TBX20: variants seen among roughly 807,000 people sequenced by gnomAD.
TBX20 encodes the protein T-box transcription factor TBX20.
TBX20 carries 8 observed loss-of-function variants against 42.9 expected under a neutral mutation model. The observed-to-expected ratio is 0.19, with a 90% CI of 0.11 to 0.34. TBX20 has a LOEUF of 0.34. Ranked by LOEUF, TBX20 falls within the 10% of genes least tolerant of loss-of-function variation. The pLI is 1.00. For missense variants in TBX20, 411 were observed against 566.0 expected (o/e 0.73, Z 2.78); for synonymous variants, 198 against 222.8 (o/e 0.89, Z 0.99).
chr7:35,250,756 T>A (rs1790290282), intron 1 of TBX20, among the ~76,000 whole-genome samples: 1 of 152,194 alleles, frequency 6.6e-6, no homozygotes, highest in South Asian at 2.1e-4. Context: ...GGGAATGTGG[T>A]TTACAAAAAA....
chr7:35,208,885 G>T (rs1302591579), intron 6 of TBX20, among the ~76,000 whole-genome samples: 3 of 144,574 alleles, frequency 2.1e-5, no homozygotes, highest in African/African-American at 7.8e-5. Flanking sequence ...CAATTTACTA[G>T]ACTAAAGGTT....
Position 35,249,903 on chromosome 7 carries a change from G to A in TBX20, c.380+48C>T. 6.4e-7 allele frequency: 1 copy of A among 1,565,170 alleles called. No individual in the cohort carries two copies. The highest frequency in any genetic ancestry group is 8.7e-7 in the Non-Finnish European group (1 of 1,152,856). On this transcript the variant is annotated intron_variant, in intron 2 of 7. Coordinates refer to ENST00000408931, the MANE Select transcript of TBX20 (RefSeq NM_001077653.2). This position sits in a 1 kb window ranked among gnomAD's most constrained non-coding sequence, Gnocchi z 4.3. The stretch of plus-strand genomic sequence containing the variant: ...GGAAGCACCCTCAACTACCCAGGGA[G>A]TGTCCTGACTCTCCACCCCCAACCC...
At chr7:35,204,211 C>A (rs1789355520) in intron 7 of TBX20, among the ~76,000 whole-genome samples, 1 of 151,964 alleles carries the variant, frequency 6.6e-6, no homozygotes, top group South Asian at 2.1e-4. Flanking sequence ...ATCCCTGACT[C>A]AAAGGCTCAG....
chr7:35,204,474 A>G lies in TBX20; in HGVS notation c.999T>C (p.Asn333=). 6.2e-7 allele frequency: 1 copy of G among 1,611,332 alleles called. No homozygotes were observed. The highest frequency in any genetic ancestry group is 8.5e-7 in the Non-Finnish European group (1 of 1,177,718). ...TGGCCTTGGAAACTACCTTACCTCGATTTGGGGTTGTCTGACTCTCATCCC... is the reference window on the plus strand; with the variant it reads ...TGGCCTTGGAAACTACCTTACCTCGGTTTGGGGTTGTCTGACTCTCATCCC... ...VLGDESQTTP[N]RGSAFTTSDN... The change falls in exon 7 of 8, where the codon AAT becomes AAC. Residue 333 remains asparagine, a synonymous_variant. Transcript: ENST00000408931.
chr7:35,215,494 C>A (rs536716872), intron 6 of TBX20, among the ~76,000 whole-genome samples: 3 of 152,244 alleles, frequency 2.0e-5, no homozygotes, highest in African/African-American at 7.2e-5. Context: ...GCTCACCGAA[C>A]AGGTCAAGTG....
chr7:35,205,654 ACTAC>A, intron 6 of TBX20, among the ~76,000 whole-genome samples: 1 of 152,250 alleles, frequency 6.6e-6, no homozygotes, highest in East Asian at 1.9e-4. Context: ...GTGAAAAATT[ACTAC>A]CTAATTCATA....
At chr7:35,203,386 T>G (rs1438440484) in intron 7 of TBX20, among the ~76,000 whole-genome samples, 1 of 152,034 alleles carries the variant, frequency 6.6e-6, no homozygotes, top group African/African-American at 2.4e-5. Context: ...CCTCCACCTC[T>G]TCAGCCTCTA....
intron 3 of TBX20, among the ~76,000 whole-genome samples, chr7:35,245,319 G>GGTGTGTGTGT (rs61706700): frequency 0.12 from 17,811 of 146,344 alleles, 1,877 homozygotes; most frequent in African/African-American, 0.29. Context: ...TGTTTAAAGG[G>GGTGTGTGTGT]GTGTGTGTGT....
intron 6 of TBX20, among the ~76,000 whole-genome samples, chr7:35,225,015 T>G (rs536678724): frequency 1.3e-5 from 2 of 152,102 alleles, no homozygotes; most frequent in Non-Finnish European, 2.9e-5. Flanking sequence ...TTTTTAAAAG[T>G]ATAACTACTA....
rs578121518 is a variant in TBX20 at position 35,252,913 on chromosome 7, T to C, written c.127+581A>G. Among the ~76,000 whole-genome samples the C allele has an allele frequency of 6.4e-4, 97 of 152,354 alleles. 1 individual carries two copies. Among genetic ancestry groups the C allele is most frequent in the African/African-American group, 2.1e-3 (86 of 41,580 alleles). ...AATTTGAGAAATGGTTACTGGTTAG[T>C]GTTTTTGCCAACCTCAACTGAAAAT... On this transcript the variant is annotated intron_variant, in intron 1 of 7. Transcript: ENST00000408931.
Position 35,202,577 on chromosome 7 carries a change from T to C in TBX20, c.1197A>G (p.Pro399=), listed in dbSNP as rs375892582. Residue 399 remains proline, a synonymous_variant, in exon 8 of 8, where the codon CCA becomes CCG. Coordinates refer to ENST00000408931, the MANE Select transcript of TBX20 (RefSeq NM_001077653.2). ...CTTGCATGGAGCTGGCAATGGCCGA[T>C]GGTGTCAGAGGCATTCCCAGTCGGC... The part of the protein sequence containing the change: ...PYSRLGMPLT[P]SAIASSMQGS... 1.7e-5 allele frequency: 27 copies of C among 1,613,980 alleles called. No individual in the cohort carries two copies. The highest frequency in any genetic ancestry group is 2.1e-5 in the Non-Finnish European group (25 of 1,180,002).
In TBX20 at chr7:35,229,663, C is replaced by G. The variant is rs113778767; in HGVS notation, c.890+1841G>C. The stretch of plus-strand genomic sequence containing the variant: ...AAAGAGCAGTCAGACTGAGTACCTC[C>G]TATCTTGTAAACCAATGTGCAACTA... On this transcript the variant is annotated intron_variant, in intron 6 of 7. Coordinates refer to ENST00000408931, the MANE Select transcript of TBX20 (RefSeq NM_001077653.2). 4.3e-3 allele frequency among the ~76,000 whole-genome samples: 649 copies of G among 152,206 alleles called. 1 individual carries two copies. The highest frequency in any genetic ancestry group is 7.5e-3 in the Non-Finnish European group (512 of 67,968).
intron 5 of TBX20, among the ~76,000 whole-genome samples, chr7:35,240,025 C>T (rs990817193): frequency 1.3e-5 from 2 of 152,192 alleles, no homozygotes; most frequent in Admixed American, 6.5e-5. Flanking sequence ...GCTGGGATTA[C>T]AGGCATGTGC....
chr7:35,246,048 G>A lies in TBX20; in HGVS notation c.546-991C>T, dbSNP rs114962797. Among the ~76,000 whole-genome samples, 1,209 of 152,226 alleles carry A rather than the reference G, an allele frequency of 7.9e-3. 15 individuals carry two copies. Among genetic ancestry groups the A allele is most frequent in the African/African-American group, 0.027 (1,134 of 41,536 alleles). On this transcript the variant is annotated intron_variant, in intron 3 of 7. Transcript: ENST00000408931. ...ATTAAACATAAATATTTTTACTAGG[G>A]CAAAAGCAAGGGATAAGAAGTCATA...
chr7:35,218,773 C>T (rs941044308), intron 6 of TBX20, among the ~76,000 whole-genome samples: 5 of 152,122 alleles, frequency 3.3e-5, no homozygotes, highest in African/African-American at 7.2e-5. Flanking sequence ...TAAAGATTCA[C>T]GTGTTGAAAC....
rs760026811 is a variant in TBX20 at position 35,249,308 on chromosome 7, C to T, written c.381-467G>A. ...TGGGAAGGATTTCTCAGATGCCCTGCAGGTATTTTCTGTAGTCCCAAGAGC... is the reference window on the plus strand; with the variant it reads ...TGGGAAGGATTTCTCAGATGCCCTGTAGGTATTTTCTGTAGTCCCAAGAGC... On this transcript the variant is annotated intron_variant, in intron 2 of 7. Coordinates refer to ENST00000408931, the MANE Select transcript of TBX20 (RefSeq NM_001077653.2). This position sits in a 1 kb window ranked among gnomAD's most constrained non-coding sequence, Gnocchi z 4.3. Among the ~76,000 whole-genome samples, 8 of 152,186 alleles carry T rather than the reference C, an allele frequency of 5.3e-5. No individual in the cohort carries two copies. Among genetic ancestry groups the T allele is most frequent in the African/African-American group, 9.7e-5 (4 of 41,440 alleles).
intron 6 of TBX20, among the ~76,000 whole-genome samples, chr7:35,230,230 G>C (rs1183656165): frequency 1.3e-5 from 2 of 152,148 alleles, no homozygotes; most frequent in African/African-American, 4.8e-5. Context: ...GTTGCCTTTT[G>C]CAAGTGGACT....
intron 6 of TBX20, among the ~76,000 whole-genome samples, chr7:35,215,382 C>T (rs968118644): frequency 1.3e-5 from 2 of 152,116 alleles, no homozygotes; most frequent in African/African-American, 4.8e-5. Context: ...TACTTTATGT[C>T]TAATCCCTGT....
intron 6 of TBX20, among the ~76,000 whole-genome samples, chr7:35,220,543 T>A (rs1789664099): frequency 6.6e-6 from 1 of 152,224 alleles, no homozygotes; most frequent in Non-Finnish European, 1.5e-5. Flanking sequence ...GACAACTCTC[T>A]AACTTAAACA....
Sources: gnomAD v4.1 joint callset for allele counts (sites outside exome capture counted in the v4.1 genomes callset) on GRCh38, gnomAD v4.1.1 for gene constraint, Gnocchi (gnomAD v3.1) non-coding constraint, MANE v1.5 for transcripts, NCBI Gene and HGNC (gene_info 2026-07-23, HGNC 2026-07-21) for gene names.